Variants in PPARGC1B observed in about 807,000 individuals in gnomAD.
PPARGC1B encodes peroxisome proliferator-activated receptor gamma coactivator 1-beta.
PPARGC1B carries 34 observed loss-of-function variants against 101.6 expected under a neutral mutation model. The ratio of observed to expected loss-of-function variants is 0.33; its 90% CI spans 0.25 to 0.45. The LOEUF (loss-of-function observed/expected upper bound fraction) is 0.45, where lower values mean the gene tolerates loss of function less well. Ranked by LOEUF, PPARGC1B falls within the 20% of genes least tolerant of loss-of-function variation. The pLI, the probability that PPARGC1B is intolerant of heterozygous loss-of-function variation, is 1.00. For missense variants in PPARGC1B, 1,234 were observed against 1,317.6 expected (o/e 0.94, Z 0.98); for synonymous variants, 548 against 539.3 (o/e 1.02, Z -0.22).
At chr5:149,735,732 AT>A in intron 1 of PPARGC1B, among the ~76,000 whole-genome samples, 1 of 152,312 alleles carries the variant, frequency 6.6e-6, no homozygotes, top group South Asian at 2.1e-4. Flanking sequence ...TTCCCAGACT[AT>A]TTGACTCTAA....
intron 1 of PPARGC1B, among the ~76,000 whole-genome samples, chr5:149,740,860 CAAT>C (rs1306798568): frequency 3.9e-5 from 6 of 152,204 alleles, no homozygotes; most frequent in African/African-American, 1.2e-4. Flanking sequence ...ATGACAACGA[CAAT>C]GATGTAAAAA....
chr5:149,751,464 G>A (rs1755300759), intron 1 of PPARGC1B, among the ~76,000 whole-genome samples: 1 of 152,128 alleles, frequency 6.6e-6, no homozygotes, highest in South Asian at 2.1e-4. Flanking sequence ...CCAGCACTTT[G>A]GGAGGCCAAG....
chr5:149,809,666 C>T (rs933531720), intron 1 of PPARGC1B, among the ~76,000 whole-genome samples: 2 of 125,390 alleles, frequency 1.6e-5, no homozygotes, highest in South Asian at 2.6e-4. Context: ...CCAGCTCGGG[C>T]GACAGAGTGA....
chr5:149,829,746 C>T (rs1380464154), intron 3 of PPARGC1B, among the ~76,000 whole-genome samples: 1 of 150,230 alleles, frequency 6.7e-6, no homozygotes, highest in Non-Finnish European at 1.5e-5. Context: ...GTAAAAACAA[C>T]AGGGTAGGGC....
intron 1 of PPARGC1B, among the ~76,000 whole-genome samples, chr5:149,794,905 G>C (rs958576091): frequency 6.6e-6 from 1 of 152,242 alleles, no homozygotes; most frequent in African/African-American, 2.4e-5. Flanking sequence ...CTGCAGTCAT[G>C]GGGTGGGTCC....
intron 1 of PPARGC1B, among the ~76,000 whole-genome samples, chr5:149,741,537 T>C (rs779358595): frequency 7.9e-5 from 12 of 152,230 alleles, no homozygotes; most frequent in Non-Finnish European, 1.6e-4. Context: ...CAAATGTCCA[T>C]GTAGCTCACT....
At chr5:149,857,663 C>A (rs563745917), downstream of PPARGC1B, among the ~76,000 whole-genome samples, 1 of 152,210 alleles carries the variant, frequency 6.6e-6, no homozygotes, top group Non-Finnish European at 1.5e-5. Context: ...AGGGCCCATG[C>A]GTCAGGAGCC....
intron 1 of PPARGC1B, among the ~76,000 whole-genome samples, chr5:149,763,157 C>T (rs987463765): frequency 2.3e-5 from 3 of 129,462 alleles, no homozygotes; most frequent in Non-Finnish European, 3.5e-5. Flanking sequence ...TCCCTCCCCA[C>T]TCTGGCCCTG....
At chr5:149,823,042 C>T (rs1264262352) in intron 2 of PPARGC1B, among the ~76,000 whole-genome samples, 1 of 152,240 alleles carries the variant, frequency 6.6e-6, no homozygotes, top group Non-Finnish European at 1.5e-5. Flanking sequence ...GACACTTCCT[C>T]AGGGACAGGG....
chr5:149,832,685 C>G lies in PPARGC1B; in HGVS notation c.612C>G (p.Pro204=), dbSNP rs1315038676. 1 of 1,555,424 alleles carries G rather than the reference C, an allele frequency of 6.4e-7. No homozygotes were observed. Residue 204 remains proline (P), a synonymous_variant, in exon 5 of 12, where the codon CCC becomes CCG. Coordinates refer to ENST00000309241, the MANE Select transcript of PPARGC1B (RefSeq NM_133263.4). This position sits in a 1 kb window ranked among gnomAD's most constrained non-coding sequence, Gnocchi z 4.9. ...ACAGCACCCAAGACAAGAAGGCTCC[C>G]ATGATGCAGTCTCAGAGCCGAAGTT... ...KADSTQDKKA[P]MMQSQSRSCT...
chr5:149,760,597 G>A, intron 1 of PPARGC1B, among the ~76,000 whole-genome samples: 1 of 152,168 alleles, frequency 6.6e-6, no homozygotes, highest in East Asian at 1.9e-4. Context: ...GAGAAGGCAG[G>A]GACACGTTTG....
At chr5:149,748,706 GTGGCTGATGAC>G (rs1425542731) in intron 1 of PPARGC1B, among the ~76,000 whole-genome samples, 3 of 152,360 alleles carry the variant, frequency 2.0e-5, no homozygotes, top group Middle Eastern at 3.4e-3. Context: ...AGCATATCAT[GTGGCTGATGAC>G]TGAGCAATGA....
At chr5:149,785,294 C>T (rs1479104453) in intron 1 of PPARGC1B, among the ~76,000 whole-genome samples, 2 of 152,218 alleles carry the variant, frequency 1.3e-5, no homozygotes, top group African/African-American at 4.8e-5. Context: ...ATGGCCTTTG[C>T]AGCCAGGCAG....
Position 149,835,301 on chromosome 5 carries a change from C to T in PPARGC1B, c.1743C>T (p.Ser581=), listed in dbSNP as rs368345041. Residue 581 remains serine, a splice_region_variant and synonymous_variant, in exon 7 of 12, where the codon AGC becomes AGT. Transcript: ENST00000309241. ...TTTCTGTCCTCCCTGCCTCCACCAGCGACCCAACTTTTGGCAAGAAGAGCT... is the reference window on the plus strand; with the variant it reads ...TTTCTGTCCTCCCTGCCTCCACCAGTGACCCAACTTTTGGCAAGAAGAGCT... ...PRCLMLALSQ[S]DPTFGKKSFE... 8 of 1,614,036 alleles carry T rather than the reference C, an allele frequency of 5.0e-6. No individual in the cohort carries two copies. The highest frequency in any genetic ancestry group is 3.3e-5 in the South Asian group (3 of 91,078).
chr5:149,807,668 T>G (rs1025257940), intron 1 of PPARGC1B, among the ~76,000 whole-genome samples: 1 of 152,216 alleles, frequency 6.6e-6, no homozygotes, highest in Non-Finnish European at 1.5e-5. Flanking sequence ...TGGCAGGCCA[T>G]TCACCATCTT....
At chr5:149,810,548 T>A (rs1270654905) in intron 1 of PPARGC1B, among the ~76,000 whole-genome samples, 1 of 152,252 alleles carries the variant, frequency 6.6e-6, no homozygotes, top group Non-Finnish European at 1.5e-5. Context: ...CTTCAGTGGA[T>A]AAGGGGCTGC....
chr5:149,842,132 C>A, intron 9 of PPARGC1B, 124 bp from the exon 10 acceptor site: 1 of 1,230,834 alleles, frequency 8.1e-7, no homozygotes, highest in Non-Finnish European at 1.1e-6. Flanking sequence ...CTGACTCCAG[C>A]CGGTATTGCT....
intron 1 of PPARGC1B, among the ~76,000 whole-genome samples, chr5:149,795,821 A>G (rs1757194302): frequency 6.6e-6 from 1 of 151,872 alleles, no homozygotes; most frequent in Non-Finnish European, 1.5e-5. Context: ...TTTTCACAGT[A>G]TAACAGTGAT....
At chr5:149,855,743 T>C (rs2113475612), downstream of PPARGC1B, among the ~76,000 whole-genome samples, 1 of 152,296 alleles carries the variant, frequency 6.6e-6, no homozygotes, top group South Asian at 2.1e-4. Flanking sequence ...AAAGCTGTTT[T>C]TTGTGCTTTA....
Sources: allele counts gnomAD v4.1 joint callset (sites outside exome capture counted in the v4.1 genomes callset), GRCh38; gene constraint gnomAD v4.1.1; non-coding constraint Gnocchi (gnomAD v3.1); transcripts MANE v1.5; gene names NCBI Gene and HGNC (gene_info 2026-07-23, HGNC 2026-07-21).